DUSP16: variants seen among roughly 807,000 people sequenced by gnomAD.
DUSP16 encodes dual specificity protein phosphatase 16.
Under a neutral mutation model 58.3 loss-of-function variants are expected in DUSP16, and 21 were observed. The observed-to-expected ratio is 0.36, with a 90% CI of 0.26 to 0.52. The LOEUF is 0.52. Among genes scored for constraint, DUSP16 ranks in the 20% least tolerant of loss-of-function variants. The probability of loss-of-function intolerance (pLI) is 0.94; values close to 1 mark genes in which losing one functional copy is unlikely to be tolerated. For missense variants in DUSP16, 726 were observed against 819.0 expected, an observed-to-expected ratio of 0.89 and a Z score of 1.39; for synonymous variants, 320 against 323.8, an observed-to-expected ratio of 0.99 and a Z score of 0.12.
At chr12:12,498,224 C>A (rs1157955845) in intron 4 of DUSP16, among the ~76,000 whole-genome samples, 1 of 151,896 alleles carries the variant, frequency 6.6e-6, no homozygotes, top group Non-Finnish European at 1.5e-5. Flanking sequence ...AAATCTAGTT[C>A]TAAAACTCAA....
At chr12:12,555,208 A>T (rs1001769617) in intron 1 of DUSP16, among the ~76,000 whole-genome samples, 1 of 152,216 alleles carries the variant, frequency 6.6e-6, no homozygotes, top group Non-Finnish European at 1.5e-5. Context: ...GGAAAAGAAG[A>T]AGTCAGGTCA....
chr12:12,530,848 A>G (rs575490156), intron 1 of DUSP16, among the ~76,000 whole-genome samples: 28 of 152,296 alleles, frequency 1.8e-4, no homozygotes, highest in African/African-American at 6.7e-4. Flanking sequence ...GTGTGAAAAA[A>G]GTCTATACAA....
intron 3 of DUSP16, 68 bp from the exon 4 acceptor site, chr12:12,500,750 A>T: frequency 7.2e-7 from 1 of 1,394,934 alleles, no homozygotes; most frequent in Non-Finnish European, 9.5e-7. Context: ...GCTTTCTGTG[A>T]ACTGCTCAAA....
In DUSP16 at chr12:12,475,730, C is replaced by T. The variant is rs1406277630; in HGVS notation, c.*1103G>A. The T allele has an allele frequency of 1.3e-5, 2 of 152,154 alleles. No homozygotes were observed. Among genetic ancestry groups the T allele is most frequent in the East Asian group, 1.9e-4 (1 of 5,202 alleles). 9.4% of individuals were successfully genotyped at this position (152,154 alleles called of 1,614,324 possible). A position where few individuals can be genotyped will look rare whatever the true frequency, so the allele number is the denominator to read the frequency against. ...GCAATTTGTACCTTTCTTAATCTTC[C>T]CATAATTTACCTCCCTAGGAAGTTT... is the stretch of plus-strand genomic sequence containing the variant. On this transcript the variant is annotated 3_prime_UTR_variant, in exon 7 of 7. Transcript: ENST00000298573.
chr12:12,479,061 G>T (rs1943513289), intron 6 of DUSP16, among the ~76,000 whole-genome samples: 1 of 151,966 alleles, frequency 6.6e-6, no homozygotes, highest in Non-Finnish European at 1.5e-5. Context: ...AAACCAGGCT[G>T]GTCAAATATC....
chr12:12,562,549 G>C lies in DUSP16; in HGVS notation c.-798C>G, dbSNP rs1409476205. Among the ~76,000 whole-genome samples the C allele has an allele frequency of 7.1e-6, 1 of 140,890 alleles. No homozygotes were observed. Among genetic ancestry groups the C allele is most frequent in the Non-Finnish European group, 1.6e-5 (1 of 64,066 alleles). The allele number at this position is 140,890 out of a possible 152,430, so 92.4% of individuals were successfully genotyped here. A position where few individuals can be genotyped will look rare whatever the true frequency, so the allele number is the denominator to read the frequency against. On this transcript the variant is annotated 5_prime_UTR_variant, in exon 1 of 7. Coordinates refer to ENST00000298573, the MANE Select transcript of DUSP16 (RefSeq NM_030640.3). ...CCCCCCAAACACTGATACATAGAAAGAGGGGGAAAGGCGGGGGGGTGGGGT... is the reference window on the plus strand; with the variant it reads ...CCCCCCAAACACTGATACATAGAAACAGGGGGAAAGGCGGGGGGGTGGGGT...
chr12:12,477,103 A>T lies in DUSP16; in HGVS notation c.1728T>A (p.Ser576Arg). The T allele has an allele frequency of 6.2e-7, 1 of 1,614,260 alleles. No individual in the cohort carries two copies. The highest frequency in any genetic ancestry group is 1.1e-5 in the South Asian group (1 of 91,090). Residue 576 changes from serine (S) to arginine (R), a missense_variant, in exon 7 of 7, where the codon AGT becomes AGA. Transcript: ENST00000298573. This position sits in a 1 kb window ranked among gnomAD's most constrained non-coding sequence, Gnocchi z 4.1. The part of the protein sequence containing the change: ...FYSASAIYGG[S>R]ASYSAYSCSQ... ...TGCAGCTGTAGGCAGAGTAACTGGC[A>T]CTGCCTCCGTAGATGGCTGAGGCAG... is the stretch of plus-strand genomic sequence containing the variant.
rs909473673 is a variant in DUSP16, at chr12:12,476,091, T to C, written c.*742A>G. The C allele has an allele frequency of 1.3e-5, 2 of 152,500 alleles. No homozygotes were observed. Among genetic ancestry groups the C allele is most frequent in the African/African-American group, 4.8e-5 (2 of 41,426 alleles). The allele number at this position is 152,500 out of a possible 1,614,324, so 9.4% of individuals were successfully genotyped here. On this transcript the variant is annotated 3_prime_UTR_variant, in exon 7 of 7. Coordinates refer to ENST00000298573, the MANE Select transcript of DUSP16 (RefSeq NM_030640.3). ...AAGCTGAGAAGAAAAAAAAATTATC[T>C]CCATCTAGGCCCACGGGAATTTTGT...
At chr12:12,499,538 G>A (rs761854485) in intron 4 of DUSP16, among the ~76,000 whole-genome samples, 44 of 152,164 alleles carry the variant, frequency 2.9e-4, no homozygotes, top group Middle Eastern at 3.4e-3. Flanking sequence ...CCCGATGATC[G>A]GGTATTTTTC....
intron 3 of DUSP16, among the ~76,000 whole-genome samples, chr12:12,512,240 T>G (rs1020167455): frequency 6.6e-6 from 1 of 152,132 alleles, no homozygotes; most frequent in African/African-American, 2.4e-5. Flanking sequence ...AAACAAAAAT[T>G]TTATCTGTTT....
intron 1 of DUSP16, among the ~76,000 whole-genome samples, chr12:12,537,405 A>G (rs897655042): frequency 1.1e-4 from 16 of 152,258 alleles, no homozygotes; most frequent in African/African-American, 3.4e-4. Flanking sequence ...ACAAAGCAAT[A>G]TAACTATATA....
rs1009579894 is a variant in DUSP16 at position 12,487,147 on chromosome 12, G to A, written c.572C>T (p.Ala191Val). The A allele has an allele frequency of 1.2e-6, 2 of 1,613,988 alleles. No homozygotes were observed. Among genetic ancestry groups the A allele is most frequent in the Non-Finnish European group, 1.7e-6 (2 of 1,179,984 alleles). The change falls in exon 5 of 7, where the codon GCC (alanine) becomes GTC (valine). Residue 191 changes from alanine (A) to valine (V), a missense_variant. Physicochemically the swap from Ala to Val is moderately conservative, Grantham distance 64 (BLOSUM62 0). Coordinates refer to ENST00000298573, the MANE Select transcript of DUSP16 (RefSeq NM_030640.3). ...QQNGIGYVLN[A>V]SNTCPKPDFI... is the part of the protein sequence containing the mutation. The stretch of plus-strand genomic sequence containing the variant: ...GTCAGGCTTTGGACAGGTATTGCTG[G>A]CATTTAACACATAACCAATCCCATT...
chr12:12,503,248 C>CAA (rs1196977508), intron 3 of DUSP16, among the ~76,000 whole-genome samples: 1 of 117,624 alleles, frequency 8.5e-6, no homozygotes, highest in Non-Finnish European at 1.7e-5. Context: ...TTTTTTGAGA[C>CAA]AGAGTCTCAC....
In DUSP16 at chr12:12,473,638, G is replaced by C. The variant is rs1255325312; in HGVS notation, c.*3195C>G. On this transcript the variant is annotated 3_prime_UTR_variant, in exon 7 of 7. Transcript: ENST00000298573. ...AACTCAACCAACTTCAAGGTCACCT[G>C]TGATTCTTTCTGTAGTCAATATTCC... Among the ~76,000 whole-genome samples, 2 of 152,154 alleles carry C rather than the reference G, an allele frequency of 1.3e-5. No homozygotes were observed. Among genetic ancestry groups the C allele is most frequent in the Non-Finnish European group, 2.9e-5 (2 of 68,032 alleles).
chr12:12,517,843 A>C (rs1215520884), intron 3 of DUSP16, among the ~76,000 whole-genome samples: 2 of 152,232 alleles, frequency 1.3e-5, no homozygotes, highest in African/African-American at 4.8e-5. Context: ...GTTAGGCCTA[A>C]GAAACACTTC....
chr12:12,477,298 G>A lies in DUSP16; in HGVS notation c.1533C>T (p.Asp511=). The change falls in exon 7 of 7, where the codon GAC becomes GAT. Residue 511 remains aspartate, a synonymous_variant. Coordinates refer to ENST00000298573, the MANE Select transcript of DUSP16 (RefSeq NM_030640.3). The surrounding 1 kb of genome is among the most constrained non-coding windows in gnomAD (Gnocchi z 4.1). ...CGAAAAGGAAGCTGGTGTGGTAATT[G>A]TCCTCCACGCTCCCACTTCGATGCA... is the stretch of plus-strand genomic sequence containing the variant. The part of the protein sequence containing the change: ...SPLHRSGSVE[D]NYHTSFLFGL... 6.2e-7 allele frequency: 1 copy of A among 1,614,224 alleles called. No individual in the cohort carries two copies. Among genetic ancestry groups the A allele is most frequent in the South Asian group, 1.1e-5 (1 of 91,084 alleles).
chr12:12,528,514 G>C (rs1173308500), intron 1 of DUSP16, among the ~76,000 whole-genome samples: 1 of 152,248 alleles, frequency 6.6e-6, no homozygotes, highest in Non-Finnish European at 1.5e-5. Flanking sequence ...ACAGAGGTCA[G>C]ATGGGGATTA....
rs1289512286 is a variant in DUSP16 at position 12,476,154 on chromosome 12, G to GCTAC, written c.*675_*678dup. On this transcript the variant is annotated 3_prime_UTR_variant, in exon 7 of 7. Coordinates refer to ENST00000298573, the MANE Select transcript of DUSP16 (RefSeq NM_030640.3). ...TGAATTGGTCTGAAAAGTGTGACTA[G>GCTAC]CTACCTACCTATTCACAATGCCTAG... The GCTAC allele has an allele frequency of 1.3e-5, 2 of 152,622 alleles. No homozygotes were observed. The highest frequency in any genetic ancestry group is 4.8e-5 in the African/African-American group (2 of 41,440). The allele number at this position is 152,622 out of a possible 1,614,324, so 9.5% of individuals were successfully genotyped here.
Position 12,495,317 on chromosome 12 carries a change from G to A in DUSP16, c.531+5202C>T, listed in dbSNP as rs141434788. On this transcript the variant is annotated intron_variant, in intron 4 of 6. Coordinates refer to ENST00000298573, the MANE Select transcript of DUSP16 (RefSeq NM_030640.3). ...CTTTTCTCCTAATTGGTGTTAAGTA[G>A]GGAAATTACATTGAATACAGCAGGC... Among the ~76,000 whole-genome samples the A allele has an allele frequency of 5.6e-3, 843 of 151,602 alleles. 34 individuals carry two copies. Among genetic ancestry groups the A allele is most frequent in the Admixed American group, 0.046 (696 of 15,238 alleles).
Sources: gnomAD v4.1 joint callset for allele counts (sites outside exome capture counted in the v4.1 genomes callset) on GRCh38, gnomAD v4.1.1 for gene constraint, Gnocchi (gnomAD v3.1) non-coding constraint, MANE v1.5 for transcripts, NCBI Gene and HGNC (gene_info 2026-07-23, HGNC 2026-07-21) for gene names.